MTMR7: variants seen among roughly 807,000 people sequenced by gnomAD.
MTMR7 encodes myotubularin related protein 7, also known as phosphatidylinositol-3-phosphate phosphatase MTMR7.
In MTMR7, 76 loss-of-function variants were observed where a neutral mutation model predicts 81.2. The observed-to-expected ratio is 0.94, with a 90% CI of 0.78 to 1.13. The LOEUF is 1.13. Ranked by LOEUF, MTMR7 falls within the 50% of genes most tolerant of loss-of-function variation. The pLI is 0.00. For synonymous variants in MTMR7, 372 were observed against 289.8 expected, an observed-to-expected ratio of 1.28 and a Z score of -2.88; for missense variants, 1,044 against 820.0, an observed-to-expected ratio of 1.27 and a Z score of -3.34.
intron 3 of MTMR7, among the ~76,000 whole-genome samples, chr8:17,361,899 G>A (rs974722660): frequency 2.0e-5 from 3 of 152,278 alleles, no homozygotes. Context: ...GTGCTCGTGG[G>A]ATGCGAATTG....
chr8:17,320,408 T>C (rs1297178185), intron 7 of MTMR7, among the ~76,000 whole-genome samples: 1 of 152,128 alleles, frequency 6.6e-6, no homozygotes, highest in African/African-American at 2.4e-5. Context: ...AGGGTATGTT[T>C]TTTTTTGTAA....
At chr8:17,391,185 G>T (rs1442385239) in intron 1 of MTMR7, among the ~76,000 whole-genome samples, 2 of 152,060 alleles carry the variant, frequency 1.3e-5, no homozygotes, top group African/African-American at 4.8e-5. Context: ...AGGAGATGAG[G>T]TGCCCAGTAG....
chr8:17,346,035 C>A (rs1053847975), intron 5 of MTMR7: 10 of 152,180 alleles, frequency 6.6e-5, no homozygotes, highest in African/African-American at 2.2e-4. Flanking sequence ...TTGTGGGAGA[C>A]TGCCTGTTTT....
chr8:17,344,348 A>C (rs111309357), intron 5 of MTMR7, among the ~76,000 whole-genome samples: 1,841 of 152,338 alleles, frequency 0.012, 36 homozygotes, highest in East Asian at 0.071. Flanking sequence ...ACAGTGGCTC[A>C]TGCCTGTAAT....
intron 6 of MTMR7, among the ~76,000 whole-genome samples, chr8:17,331,644 G>A (rs1182652285): frequency 6.6e-6 from 1 of 152,184 alleles, no homozygotes; most frequent in Admixed American, 6.5e-5. Flanking sequence ...CCGGTAGGTT[G>A]GCAGAAGAAT....
At chr8:17,306,359 T>G (rs941452545) in intron 10 of MTMR7, among the ~76,000 whole-genome samples, 4 of 152,072 alleles carry the variant, frequency 2.6e-5, no homozygotes, top group African/African-American at 9.7e-5. Context: ...TGCGCTGTTT[T>G]GTTGGGAAGG....
chr8:17,403,412 T>C (rs1169248816), intron 1 of MTMR7, among the ~76,000 whole-genome samples: 1 of 152,212 alleles, frequency 6.6e-6, no homozygotes. Context: ...TTTCTGGGTT[T>C]CTTTTTCTGT....
At chr8:17,357,930 G>C (rs1819945061) in intron 4 of MTMR7, among the ~76,000 whole-genome samples, 1 of 152,010 alleles carries the variant, frequency 6.6e-6, no homozygotes, top group East Asian at 1.9e-4. Context: ...CTACTTTGTA[G>C]GATGATTTAA....
chr8:17,384,125 T>C (rs970178040), intron 1 of MTMR7, among the ~76,000 whole-genome samples: 1 of 152,056 alleles, frequency 6.6e-6, no homozygotes, highest in African/African-American at 2.4e-5. Context: ...AAATAATTGT[T>C]ATTGGCTGGG....
intron 1 of MTMR7, among the ~76,000 whole-genome samples, chr8:17,378,465 T>C (rs11787262): frequency 0.16 from 23,997 of 152,104 alleles, 2,341 homozygotes; most frequent in African/African-American, 0.25. Context: ...TCAGCCTTAC[T>C]GTTGGGCTAA....
intron 4 of MTMR7, among the ~76,000 whole-genome samples, chr8:17,354,887 G>T (rs1586237713): frequency 6.6e-6 from 1 of 152,248 alleles, no homozygotes; most frequent in East Asian, 1.9e-4. Flanking sequence ...CCATTTCGGT[G>T]ATATTTGCAA....
At chr8:17,331,600 G>A (rs1249401305) in intron 6 of MTMR7, among the ~76,000 whole-genome samples, 1 of 152,176 alleles carries the variant, frequency 6.6e-6, no homozygotes, top group African/African-American at 2.4e-5. Context: ...ATTCTGTGAT[G>A]GAACCAAGTA....
chr8:17,360,278 G>A (rs1820019346), intron 4 of MTMR7, among the ~76,000 whole-genome samples: 1 of 152,118 alleles, frequency 6.6e-6, no homozygotes, highest in South Asian at 2.1e-4. Flanking sequence ...CTATTGGCCA[G>A]ATATAATAAC....
At chr8:17,371,536 G>A (rs913512699) in intron 2 of MTMR7, among the ~76,000 whole-genome samples, 2 of 152,288 alleles carry the variant, frequency 1.3e-5, no homozygotes. Context: ...ATAAGGTCAT[G>A]AGAAGTTAGT....
intron 7 of MTMR7, among the ~76,000 whole-genome samples, chr8:17,329,230 G>C (rs982451314): frequency 6.6e-6 from 1 of 152,176 alleles, no homozygotes; most frequent in South Asian, 2.1e-4. Context: ...AAAAGCCTTA[G>C]AAGGTGGGTC....
chr8:17,403,138 T>C (rs1041603620), intron 1 of MTMR7, among the ~76,000 whole-genome samples: 2 of 152,224 alleles, frequency 1.3e-5, no homozygotes, highest in African/African-American at 4.8e-5. Context: ...CCTTATATAT[T>C]CTGGTTATTA....
At chr8:17,390,720 A>G (rs548756812) in intron 1 of MTMR7, among the ~76,000 whole-genome samples, 1 of 152,320 alleles carries the variant, frequency 6.6e-6, no homozygotes, top group African/African-American at 2.4e-5. Flanking sequence ...CAGACGAGGA[A>G]GCAAACACAT....
intron 5 of MTMR7, among the ~76,000 whole-genome samples, chr8:17,348,731 C>G (rs1819638030): frequency 6.6e-6 from 1 of 152,042 alleles, no homozygotes; most frequent in Non-Finnish European, 1.5e-5. Context: ...TCTATTGAGT[C>G]ATTTTCTGAA....
At position 17,357,166 on chromosome 8, in the gene MTMR7, C is replaced by T. The variant is rs1050442809; in HGVS notation, c.468+3951G>A. 2.6e-5 allele frequency among the ~76,000 whole-genome samples: 4 copies of T among 152,282 alleles called. No individual in the cohort carries two copies. The South Asian group carries it at 8.3e-4, about 32-fold the overall frequency. The stretch of plus-strand genomic sequence containing the variant: ...GTAGTGAAAAATGAAGGAATCAGAG[C>T]TATCAGTATCAACAGTTACTAATCT... On this transcript the variant is annotated intron_variant, in intron 4 of 13. Transcript: ENST00000180173.
Sources: gnomAD v4.1 joint callset for allele counts (sites outside exome capture counted in the v4.1 genomes callset) on GRCh38, gnomAD v4.1.1 for gene constraint, MANE v1.5 for transcripts, NCBI Gene and HGNC (gene_info 2026-07-23, HGNC 2026-07-21) for gene names.